Variants in SKA1 observed in about 807,000 individuals in gnomAD.
The protein encoded by SKA1 is spindle and kinetochore associated complex subunit 1, also known as SKA complex subunit 1.
In SKA1, 20 loss-of-function variants were observed where a neutral mutation model predicts 31.8. That is an observed-to-expected ratio of 0.63 (90% CI 0.44 to 0.91). The LOEUF (loss-of-function observed/expected upper bound fraction) is 0.91, where lower values mean the gene tolerates loss of function less well. Ranked by LOEUF, SKA1 falls within the 40% of genes least tolerant of loss-of-function variation. The probability of loss-of-function intolerance (pLI) is 0.00; values close to 1 mark genes in which losing one functional copy is unlikely to be tolerated. For synonymous variants in SKA1, 88 were observed against 100.5 expected (o/e 0.88, Z 0.74); for missense variants, 253 against 298.2 (o/e 0.85, Z 1.12).
intron 3 of SKA1, among the ~76,000 whole-genome samples, chr18:50,381,416 T>C (rs1019633112): frequency 2.0e-5 from 3 of 152,188 alleles, no homozygotes; most frequent in Non-Finnish European, 4.4e-5. Context: ...GCTGTGATAA[T>C]ATGGTTGCTG....
chr18:50,387,256 T>G (rs973599114), intron 5 of SKA1, among the ~76,000 whole-genome samples: 8 of 152,240 alleles, frequency 5.3e-5, no homozygotes, highest in African/African-American at 1.9e-4. Flanking sequence ...CCTAGTGACA[T>G]TTGACATTGA....
intron 4 of SKA1, among the ~76,000 whole-genome samples, chr18:50,383,720 T>C (rs998083571): frequency 1.3e-5 from 2 of 152,170 alleles, no homozygotes; most frequent in African/African-American, 4.8e-5. Context: ...CAGGGATAGG[T>C]GAGAGCAGAA....
chr18:50,384,871 T>TAAAAAAAAAAAA (rs10608403), intron 4 of SKA1, among the ~76,000 whole-genome samples: 4 of 82,598 alleles, frequency 4.8e-5, no homozygotes, highest in Admixed American at 3.2e-4. Context: ...AAAAAAAAAT[T>TAAAAAAAAAAAA]AAAAAAAAAA....
At chr18:50,387,049 T>A (rs1051388805) in intron 5 of SKA1, among the ~76,000 whole-genome samples, 16 of 152,234 alleles carry the variant, frequency 1.1e-4, no homozygotes, top group African/African-American at 3.4e-4. Flanking sequence ...CTTAGGAGTG[T>A]AACTGCTGAG....
intron 4 of SKA1, among the ~76,000 whole-genome samples, chr18:50,384,703 T>G: frequency 1.6e-5 from 1 of 62,594 alleles, no homozygotes; most frequent in Non-Finnish European, 2.8e-5. Flanking sequence ...CTGGGGACTG[T>G]GGTGGGGTCG....
intron 3 of SKA1, 145 bp from the exon 4 acceptor site, chr18:50,381,984 C>T (rs1818683351): frequency 3.5e-6 from 2 of 566,120 alleles, no homozygotes; most frequent in African/African-American, 2.0e-5. Flanking sequence ...CTTAGCCTCC[C>T]AAGGTGCTGG....
intron 5 of SKA1, among the ~76,000 whole-genome samples, chr18:50,387,948 T>C (rs567568516): frequency 6.6e-6 from 1 of 152,348 alleles, no homozygotes; most frequent in South Asian, 2.1e-4. Context: ...TGTGTCTGGA[T>C]AATAGGAACT....
chr18:50,389,536 C>A (rs1384615156), intron 5 of SKA1, among the ~76,000 whole-genome samples: 1 of 151,928 alleles, frequency 6.6e-6, no homozygotes, highest in Non-Finnish European at 1.5e-5. Context: ...GCTGGGACCA[C>A]AGGCGTGTGC....
intron 5 of SKA1, among the ~76,000 whole-genome samples, chr18:50,387,043 G>C (rs993159564): frequency 1.3e-5 from 2 of 152,198 alleles, no homozygotes; most frequent in African/African-American, 4.8e-5. Context: ...TAAATACTTA[G>C]GAGTGTAACT....
intron 1 of SKA1, 186 bp downstream of exon 1, chr18:50,375,380 G>C (rs896080940): frequency 2.6e-5 from 4 of 152,842 alleles, no homozygotes; most frequent in Admixed American, 2.0e-4. Flanking sequence ...CCCATTTCTC[G>C]GCCTCCTTAC....
chr18:50,375,342 G>C (rs1475087137), intron 1 of SKA1, 148 bp downstream of exon 1: 3 of 152,450 alleles, frequency 2.0e-5, no homozygotes, highest in Non-Finnish European at 4.4e-5. Flanking sequence ...CTCTCTCACC[G>C]GCGGAGTGGG....
chr18:50,390,102 G>C (rs977499132), intron 5 of SKA1, among the ~76,000 whole-genome samples: 2 of 152,180 alleles, frequency 1.3e-5, no homozygotes, highest in Non-Finnish European at 1.5e-5. Context: ...AGATTTGAAG[G>C]AATACATAAG....
intron 6 of SKA1, 37 bp from the exon 7 acceptor site, chr18:50,392,062 G>T (rs374430560): frequency 2.0e-5 from 30 of 1,493,614 alleles, no homozygotes; most frequent in Non-Finnish European, 2.6e-5. Context: ...TTGCAAGTTG[G>T]CCTTATAAAA....
chr18:50,392,190 C>T lies in SKA1; in HGVS notation c.711C>T (p.His237=). The T allele has an allele frequency of 6.2e-7, 1 of 1,607,750 alleles. No individual in the cohort carries two copies. Among genetic ancestry groups the T allele is most frequent in the Non-Finnish European group, 8.5e-7 (1 of 1,178,782 alleles). The change falls in exon 7 of 7, where the codon CAC becomes CAT. Residue 237 remains histidine, a synonymous_variant. Coordinates refer to ENST00000285116, the MANE Select transcript of SKA1 (RefSeq NM_145060.4). ...KFHVLLNILR[H]CRRLSEVRGG... The stretch of plus-strand genomic sequence containing the variant: ...ACGTGTTACTGAATATTTTACGACA[C>T]TGCCGGAGGCTATCAGAGGTCCGAG...
chr18:50,381,366 A>T (rs2041260690), intron 3 of SKA1, among the ~76,000 whole-genome samples: 1 of 152,236 alleles, frequency 6.6e-6, no homozygotes, highest in African/African-American at 2.4e-5. Context: ...AAGTCATCCT[A>T]AAGCAGCATC....
intron 3 of SKA1, 29 bp downstream of exon 3, chr18:50,380,279 A>G (rs1432978693): frequency 1.3e-6 from 2 of 1,528,244 alleles, no homozygotes; most frequent in Non-Finnish European, 1.7e-6. Flanking sequence ...GGAAGCAGTA[A>G]AAAAGACAAT....
At chr18:50,376,224 A>C (rs2041214537) in intron 2 of SKA1, among the ~76,000 whole-genome samples, 1 of 152,218 alleles carries the variant, frequency 6.6e-6, no homozygotes, top group Non-Finnish European at 1.5e-5. Flanking sequence ...ATAGAGATAC[A>C]GTCATGCGTT....
rs989960244 is a variant in SKA1, at chr18:50,393,097, A to G, written c.*850A>G. 6.6e-6 allele frequency: 1 copy of G among 152,258 alleles called. No homozygotes were observed. The highest frequency in any genetic ancestry group is 6.5e-5 in the Admixed American group (1 of 15,276). 9.4% of individuals were successfully genotyped at this position (152,258 alleles called of 1,614,324 possible). ...AACTACCTGCTGAATACGCCTCTGT[A>G]CTAGGCACATAATGGAACTAAAAAA... On this transcript the variant is annotated 3_prime_UTR_variant, in exon 7 of 7. Coordinates refer to ENST00000285116, the MANE Select transcript of SKA1 (RefSeq NM_145060.4).
chr18:50,382,171 C>A lies in SKA1; in HGVS notation c.256C>A (p.His86Asn). Residue 86 changes from histidine (H) to asparagine (N), a missense_variant, in exon 4 of 7, where the codon CAT (histidine) becomes AAT (asparagine). Physicochemically the swap from His to Asn is moderately conservative, Grantham distance 68. Transcript: ENST00000285116. Reference protein sequence around the residue: ...SLEEDYKDIEHLKENVPSHLP... With the variant: ...SLEEDYKDIENLKENVPSHLP... ...TGAAGAAGATTACAAAGACATAGAA[C>A]ATCTTAAAGAAAACGTTCCTTCCCA... The A allele has an allele frequency of 6.5e-7, 1 of 1,545,272 alleles. No individual in the cohort carries two copies. Among genetic ancestry groups the A allele is most frequent in the Non-Finnish European group, 8.7e-7 (1 of 1,155,108 alleles).
Sources: allele counts gnomAD v4.1 joint callset (sites outside exome capture counted in the v4.1 genomes callset), GRCh38; gene constraint gnomAD v4.1.1; transcripts MANE v1.5; gene names NCBI Gene and HGNC (gene_info 2026-07-23, HGNC 2026-07-21).